Variants in TRAPPC11 observed in about 807,000 individuals in gnomAD.
The protein encoded by TRAPPC11 is foie gras homolog.
In TRAPPC11, 104 loss-of-function variants were observed where a neutral mutation model predicts 151.2. That is an observed-to-expected ratio of 0.69 (90% CI 0.59 to 0.81). The LOEUF is 0.81. TRAPPC11 is among the 30% of genes least tolerant of loss of function. The probability of loss-of-function intolerance (pLI) is 0.00; values close to 1 mark genes in which losing one functional copy is unlikely to be tolerated. For synonymous variants in TRAPPC11, 456 were observed against 472.3 expected, an observed-to-expected ratio of 0.97 and a Z score of 0.45; for missense variants, 1,230 against 1,349.6, an observed-to-expected ratio of 0.91 and a Z score of 1.39.
At chr4:183,690,711 A>G (rs1478050610) in intron 18 of TRAPPC11, among the ~76,000 whole-genome samples, 2 of 152,246 alleles carry the variant, frequency 1.3e-5, no homozygotes, top group Non-Finnish European at 2.9e-5. Flanking sequence ...TCACACCTGT[A>G]ATCCCAACAC....
At chr4:183,703,933 G>A (rs1736920160) in intron 26 of TRAPPC11, among the ~76,000 whole-genome samples, 1 of 152,304 alleles carries the variant, frequency 6.6e-6, no homozygotes, top group Middle Eastern at 3.4e-3. Flanking sequence ...TATACGTGTA[G>A]TGAGTTACAA....
At chr4:183,704,082 C>A in intron 26 of TRAPPC11, among the ~76,000 whole-genome samples, 1 of 152,206 alleles carries the variant, frequency 6.6e-6, no homozygotes, top group East Asian at 1.9e-4. Context: ...AAATCGTGTG[C>A]ATCATGATTG....
chr4:183,704,203 A>G (rs1273245649), intron 26 of TRAPPC11, among the ~76,000 whole-genome samples: 1 of 152,172 alleles, frequency 6.6e-6, no homozygotes, highest in African/African-American at 2.4e-5. Context: ...AAAGCTCTTA[A>G]CTTCACAAAA....
intron 29 of TRAPPC11, among the ~76,000 whole-genome samples, chr4:183,710,719 T>C (rs1378046072): frequency 1.3e-5 from 2 of 151,790 alleles, no homozygotes. Context: ...CTTTAATCAG[T>C]AGGGAAAATT....
intron 1 of TRAPPC11, among the ~76,000 whole-genome samples, chr4:183,662,349 C>T (rs1734595718): frequency 2.0e-5 from 2 of 99,254 alleles, no homozygotes; most frequent in East Asian, 2.5e-4. Context: ...AGTGATACTC[C>T]GTCTCAAAAA....
At position 183,701,795 on chromosome 4, in the gene TRAPPC11, A is replaced by T; in HGVS notation, c.2950A>T (p.Ile984Phe). The T allele has an allele frequency of 6.2e-7, 1 of 1,609,400 alleles. No homozygotes were observed. Among genetic ancestry groups the T allele is most frequent in the Non-Finnish European group, 8.5e-7 (1 of 1,175,706 alleles). ...TGGAGTAGCAACCGGGCATTATATT[A>T]TCTCTTGGAAAAGGTAAGAATTATG... ...EGGVATGHYI[I>F]SWKRTSAMEN... is the part of the protein sequence containing the mutation. Residue 984 changes from isoleucine (I) to phenylalanine (F), a missense_variant, in exon 26 of 30, where the codon ATC (isoleucine) becomes TTC (phenylalanine). Physicochemically the swap from Ile to Phe is conservative, Grantham distance 21. Transcript: ENST00000334690.
At chr4:183,689,647 T>TTTC (rs11430507) in intron 18 of TRAPPC11, among the ~76,000 whole-genome samples, 2 of 146,942 alleles carry the variant, frequency 1.4e-5, no homozygotes, top group African/African-American at 2.5e-5. Context: ...TTTTTTTTTT[T>TTTC]AAAGAGATAC....
In TRAPPC11 at chr4:183,693,085, G is replaced by T. The variant is rs140919627; in HGVS notation, c.2175G>T (p.Arg725Ser). 1.9e-6 allele frequency: 3 copies of T among 1,612,864 alleles called. No individual in the cohort carries two copies. The highest frequency in any genetic ancestry group is 2.5e-6 in the Non-Finnish European group (3 of 1,179,380). The change falls in exon 20 of 30, where the codon AGG (arginine) becomes AGT (serine). Residue 725 changes from arginine (R) to serine (S), a missense_variant. Coordinates refer to ENST00000334690, the MANE Select transcript of TRAPPC11 (RefSeq NM_021942.6). ...TACAGGCAGCTCGGTCTTTCAAAAG[G>T]CGACCTAAGCTACCTGACAATGAAG... ...EALQAARSFK[R>S]RPKLPDNEVH... is the part of the protein sequence containing the mutation.
intron 5 of TRAPPC11, among the ~76,000 whole-genome samples, chr4:183,671,256 A>G (rs1735142832): frequency 6.6e-6 from 1 of 152,228 alleles, no homozygotes; most frequent in Non-Finnish European, 1.5e-5. Flanking sequence ...AAAACGATGT[A>G]TGCAGATGTA....
chr4:183,687,008 G>A (rs761427106), intron 18 of TRAPPC11, among the ~76,000 whole-genome samples: 15 of 152,068 alleles, frequency 9.9e-5, no homozygotes, highest in South Asian at 4.2e-4. Context: ...GTGAAACCCC[G>A]TCTCTACTAA....
chr4:183,687,935 G>A (rs1470429518), intron 18 of TRAPPC11, among the ~76,000 whole-genome samples: 3 of 152,022 alleles, frequency 2.0e-5, no homozygotes, highest in Non-Finnish European at 4.4e-5. Flanking sequence ...TTGCAGAATT[G>A]GGATCATATT....
intron 23 of TRAPPC11, among the ~76,000 whole-genome samples, chr4:183,696,484 C>T (rs1736546834): frequency 1.3e-5 from 2 of 152,118 alleles, no homozygotes; most frequent in Admixed American, 6.5e-5. Flanking sequence ...CAGCCTCCGA[C>T]TCCTGGGTTC....
chr4:183,668,155 T>C (rs1445452878), intron 5 of TRAPPC11, 38 bp downstream of exon 5: 3 of 1,249,892 alleles, frequency 2.4e-6, no homozygotes, highest in Admixed American at 2.2e-5. Flanking sequence ...TTTTTTAGAT[T>C]ATTAAGAATT....
At chr4:183,703,405 T>A (rs1376232078) in intron 26 of TRAPPC11, among the ~76,000 whole-genome samples, 1 of 152,222 alleles carries the variant, frequency 6.6e-6, no homozygotes, top group Non-Finnish European at 1.5e-5. Context: ...GAATTTACCA[T>A]ATTGATGTTT....
Position 183,663,967 on chromosome 4 carries a change from C to A in TRAPPC11, c.100C>A (p.Arg34=), listed in dbSNP as rs569565392. The part of the protein sequence containing the change: ...GLDVVYNAVH[R]AVWDAFCANR... ...GGATGTAGTTTATAATGCAGTCCAT[C>A]GAGCTGTCTGGGACGCCTTCTGTGC... Residue 34 remains arginine (R), a synonymous_variant, in exon 2 of 30, where the codon CGA becomes AGA. Transcript: ENST00000334690. 1.2e-6 allele frequency: 2 copies of A among 1,614,100 alleles called. No individual in the cohort carries two copies. The highest frequency in any genetic ancestry group is 1.7e-6 in the Non-Finnish European group (2 of 1,180,016).
Position 183,679,487 on chromosome 4 carries a change from G to A in TRAPPC11, c.965+1G>A. The A allele has an allele frequency of 6.2e-7, 1 of 1,601,170 alleles. No homozygotes were observed. Among genetic ancestry groups the A allele is most frequent in the Non-Finnish European group, 8.5e-7 (1 of 1,175,276 alleles). ...AGCATGATGCATGGATGTCTAAACA[G>A]TATGTTTTACATTGTCCTTTTAGAA... On this transcript the variant is annotated splice_donor_variant, in intron 9 of 29. Transcript: ENST00000334690. LOFTEE classifies it high-confidence loss of function.
intron 28 of TRAPPC11, among the ~76,000 whole-genome samples, chr4:183,707,186 A>G (rs888545379): frequency 2.6e-5 from 4 of 152,058 alleles, no homozygotes; most frequent in African/African-American, 9.7e-5. Flanking sequence ...CTTGGACTAT[A>G]TTATAATATG....
In TRAPPC11 at chr4:183,705,071, G is replaced by T. The variant is rs1410247217; in HGVS notation, c.3055+1G>T. 3 of 1,574,806 alleles carry T rather than the reference G, an allele frequency of 1.9e-6. 1 individual carries two copies. The highest frequency in any genetic ancestry group is 2.6e-6 in the Non-Finnish European group (3 of 1,151,470). ...AATATCCCTCTCCATGTGAATGCAGGTAGCGGAATTCAAATTTTACTTGAT... is the reference window on the plus strand; with the variant it reads ...AATATCCCTCTCCATGTGAATGCAGTTAGCGGAATTCAAATTTTACTTGAT... On this transcript the variant is annotated splice_donor_variant, in intron 27 of 29. Transcript: ENST00000334690. LOFTEE classifies it high-confidence loss of function.
chr4:183,667,925 A>G (rs1734962851), intron 4 of TRAPPC11, 78 bp from the exon 5 acceptor site: 1 of 1,014,686 alleles, frequency 9.9e-7, no homozygotes, highest in Non-Finnish European at 1.5e-6. Context: ...CTATTTTTTC[A>G]GACTTGGGGA....
Sources: allele counts gnomAD v4.1 joint callset (sites outside exome capture counted in the v4.1 genomes callset), GRCh38; gene constraint gnomAD v4.1.1; transcripts MANE v1.5; gene names NCBI Gene and HGNC (gene_info 2026-07-23, HGNC 2026-07-21).